SNTB1: variants seen among roughly 807,000 people sequenced by gnomAD.
SNTB1 encodes the protein syntrophin beta 1.
A neutral mutation model predicts 48.9 loss-of-function variants in SNTB1; 36 were observed. The observed-to-expected ratio is 0.74, with a 90% confidence interval of 0.56 to 0.97. The LOEUF (loss-of-function observed/expected upper bound fraction) is 0.97. Among genes scored for constraint, SNTB1 ranks in the 50% least tolerant of loss-of-function variants. SNTB1 has a pLI of 0.00. For synonymous variants in SNTB1, 299 were observed against 294.6 expected, an observed-to-expected ratio of 1.01 and a Z score of -0.15; for missense variants, 786 against 703.4, an observed-to-expected ratio of 1.12 and a Z score of -1.33.
chr8:120,544,607 A>C (rs928828919), intron 5 of SNTB1, among the ~76,000 whole-genome samples: 8 of 152,200 alleles, frequency 5.3e-5, no homozygotes, highest in African/African-American at 1.9e-4. Flanking sequence ...AGCTTATTAG[A>C]GAAAGATTTT....
chr8:120,751,995 G>A (rs987258654), intron 1 of SNTB1, among the ~76,000 whole-genome samples: 8 of 152,136 alleles, frequency 5.3e-5, no homozygotes, highest in African/African-American at 1.9e-4. Context: ...ATAACCTGCT[G>A]CCAGTTGTTA....
chr8:120,632,380 T>A, intron 3 of SNTB1, 64 bp downstream of exon 3: 1 of 1,416,968 alleles, frequency 7.1e-7, no homozygotes, highest in African/African-American at 1.4e-5. Context: ...ATAGTTTTAG[T>A]GGTTATGAGC....
chr8:120,579,012 AC>A (rs1354726465), intron 3 of SNTB1, among the ~76,000 whole-genome samples: 1 of 151,930 alleles, frequency 6.6e-6, no homozygotes, highest in East Asian at 2.0e-4. Context: ...TGCCGTCTCT[AC>A]TAAAAATACA....
intron 4 of SNTB1, among the ~76,000 whole-genome samples, chr8:120,550,803 T>C (rs1221606540): frequency 1.3e-5 from 2 of 152,288 alleles, no homozygotes; most frequent in South Asian, 2.1e-4. Flanking sequence ...AAGCCTAGCA[T>C]AGGCTTTAAA....
intron 1 of SNTB1, among the ~76,000 whole-genome samples, chr8:120,777,426 T>A (rs1342091815): frequency 1.3e-5 from 2 of 152,220 alleles, no homozygotes; most frequent in African/African-American, 4.8e-5. Flanking sequence ...GAGAGCCACC[T>A]TGAAGTTACA....
chr8:120,713,109 C>T (rs1023246743), intron 1 of SNTB1, among the ~76,000 whole-genome samples: 2 of 152,102 alleles, frequency 1.3e-5, no homozygotes, highest in East Asian at 3.9e-4. Flanking sequence ...TAAAGAGTTA[C>T]GATCATCTGG....
At chr8:120,706,089 A>G (rs1298638015) in intron 1 of SNTB1, among the ~76,000 whole-genome samples, 1 of 152,202 alleles carries the variant, frequency 6.6e-6, no homozygotes, top group Non-Finnish European at 1.5e-5. Context: ...AAATGTATAC[A>G]AAGCCCTTAG....
At chr8:120,604,017 C>T (rs1372295833) in intron 3 of SNTB1, among the ~76,000 whole-genome samples, 1 of 152,090 alleles carries the variant, frequency 6.6e-6, no homozygotes, top group East Asian at 1.9e-4. Flanking sequence ...GTTCCATACC[C>T]AGGTGTCTGC....
intron 2 of SNTB1, among the ~76,000 whole-genome samples, chr8:120,678,381 C>A (rs1336956832): frequency 6.6e-6 from 1 of 152,124 alleles, no homozygotes; most frequent in East Asian, 1.9e-4. Flanking sequence ...CCCTGTAGAC[C>A]TTGGCCACTT....
rs549267363 is a variant in SNTB1 at position 120,548,104 on chromosome 8, CT to C, written c.1333+657del. Among the ~76,000 whole-genome samples the C allele has an allele frequency of 1.7e-3, 265 of 152,080 alleles. 1 individual carries two copies. Among genetic ancestry groups the C allele is most frequent in the African/African-American group, 6.1e-3 (252 of 41,488 alleles). On this transcript the variant is annotated intron_variant, in intron 5 of 6. Coordinates refer to ENST00000517992, the MANE Select transcript of SNTB1 (RefSeq NM_021021.4). ...CCCTTGCTTTGAATTCATGAGAGAC[CT>C]GGTTGTTTAAAATAGTGCGGCACTT...
intron 1 of SNTB1, among the ~76,000 whole-genome samples, chr8:120,741,590 TG>T (rs1468174037): frequency 6.6e-6 from 1 of 152,156 alleles, no homozygotes; most frequent in African/African-American, 2.4e-5. Context: ...ACCTGGGTGA[TG>T]TGACAGAGCC....
At chr8:120,683,464 C>T (rs1325942630) in intron 2 of SNTB1, among the ~76,000 whole-genome samples, 2 of 150,134 alleles carry the variant, frequency 1.3e-5, no homozygotes, top group East Asian at 2.0e-4. Context: ...TCCCAGGTGT[C>T]AAAAAAAGGG....
intron 1 of SNTB1, among the ~76,000 whole-genome samples, chr8:120,786,396 C>G (rs1362611417): frequency 6.6e-6 from 1 of 152,122 alleles, no homozygotes; most frequent in East Asian, 1.9e-4. Flanking sequence ...GCGCTCTAGC[C>G]CAACGATCAG....
At chr8:120,634,796 G>A (rs989454264) in intron 2 of SNTB1, among the ~76,000 whole-genome samples, 1 of 152,022 alleles carries the variant, frequency 6.6e-6, no homozygotes, top group African/African-American at 2.4e-5. Context: ...TTGTAGAAGA[G>A]AGATGATTTG....
rs1470460636 is a variant in SNTB1, at chr8:120,538,959, A to C, written c.1535T>G (p.Leu512Arg). Residue 512 changes from leucine to arginine, a missense_variant, in exon 7 of 7, where the codon CTT (leucine) becomes CGT (arginine). By Grantham distance (102) the Leu-to-Arg change is moderately radical. Coordinates refer to ENST00000517992, the MANE Select transcript of SNTB1 (RefSeq NM_021021.4). ...GGKDGEIQLD[L>R]HSCPKPIVFI... Reference sequence around the variant, plus strand: ...AACAATTGGCTTGGGGCAGGAATGAAGGTCCAGTTGCTGAAATTTAAAAAG... The same window carrying C: ...AACAATTGGCTTGGGGCAGGAATGACGGTCCAGTTGCTGAAATTTAAAAAG... 4 of 1,611,664 alleles carry C rather than the reference A, an allele frequency of 2.5e-6. No homozygotes were observed. The highest frequency in any genetic ancestry group is 8.5e-7 in the Non-Finnish European group (1 of 1,179,154).
chr8:120,678,483 G>A (rs967240515), intron 2 of SNTB1, among the ~76,000 whole-genome samples: 2 of 152,158 alleles, frequency 1.3e-5, no homozygotes, highest in Admixed American at 1.3e-4. Flanking sequence ...GCAACTTCCA[G>A]CTTGACCAAA....
intron 1 of SNTB1, among the ~76,000 whole-genome samples, chr8:120,727,478 C>T (rs1171475182): frequency 6.6e-6 from 1 of 152,136 alleles, no homozygotes; most frequent in Non-Finnish European, 1.5e-5. Context: ...ATAGTCACTA[C>T]CTTGAAGGGT....
intron 1 of SNTB1, among the ~76,000 whole-genome samples, chr8:120,806,954 T>C (rs1265178934): frequency 6.6e-6 from 1 of 152,170 alleles, no homozygotes; most frequent in Non-Finnish European, 1.5e-5. Context: ...AGAAAGTGAT[T>C]GTGACAGCGA....
chr8:120,711,735 G>A (rs1271658598), intron 1 of SNTB1, among the ~76,000 whole-genome samples: 1 of 152,082 alleles, frequency 6.6e-6, no homozygotes, highest in Non-Finnish European at 1.5e-5. Context: ...GATTCAAGCA[G>A]GCTCTGAGGA....
Sources: allele counts gnomAD v4.1 joint callset (sites outside exome capture counted in the v4.1 genomes callset), GRCh38; gene constraint gnomAD v4.1.1; transcripts MANE v1.5; gene names NCBI Gene and HGNC (gene_info 2026-07-23, HGNC 2026-07-21).